The following RUNX1 variants were observed in gnomAD, a reference collection of about 807,000 sequenced individuals.
RUNX1 encodes the protein runt-related transcription factor 1.
A neutral mutation model predicts 42.8 loss-of-function variants in RUNX1; 19 were observed. The ratio of observed to expected loss-of-function variants is 0.44; its 90% CI spans 0.31 to 0.65. The LOEUF (loss-of-function observed/expected upper bound fraction) is 0.65. RUNX1 is among the 30% of genes least tolerant of loss of function. The pLI is 0.07. For synonymous variants in RUNX1, 271 were observed against 289.4 expected, an observed-to-expected ratio of 0.94 and a Z score of 0.64; for missense variants, 528 against 672.0, an observed-to-expected ratio of 0.79 and a Z score of 2.37.
intron 6 of RUNX1, among the ~76,000 whole-genome samples, chr21:34,851,701 G>A (rs1049835504): frequency 6.6e-6 from 1 of 152,174 alleles, no homozygotes. Context: ...ATGGTTTTGC[G>A]AGGGTCCAGA....
intron 7 of RUNX1, among the ~76,000 whole-genome samples, chr21:34,827,057 A>T (rs1261135877): frequency 5.3e-5 from 8 of 152,238 alleles, no homozygotes; most frequent in Admixed American, 5.2e-4. Context: ...AGTGTATGTG[A>T]CCAGAGTGCT....
Position 34,994,638 on chromosome 21 carries a change from C to T in RUNX1, c.58+54204G>A, listed in dbSNP as rs2058979172. 3.3e-5 allele frequency among the ~76,000 whole-genome samples: 5 copies of T among 151,724 alleles called. No homozygotes were observed. The South Asian group carries it at 1.0e-3, about 32-fold the overall frequency. ...TACTATGCACCTAAATGCCTAGGTACCTACATTTACGGGTACTACGTACCC... is the reference window on the plus strand; with the variant it reads ...TACTATGCACCTAAATGCCTAGGTATCTACATTTACGGGTACTACGTACCC... On this transcript the variant is annotated intron_variant, in intron 2 of 8. Transcript: ENST00000675419.
chr21:34,825,954 TC>T, intron 7 of RUNX1, among the ~76,000 whole-genome samples: 1 of 152,136 alleles, frequency 6.6e-6, no homozygotes, highest in Middle Eastern at 3.2e-3. Context: ...TAAGGAAGTA[TC>T]CTCCCCTAGA....
At chr21:34,812,362 A>G (rs1601374063) in intron 7 of RUNX1, among the ~76,000 whole-genome samples, 1 of 152,248 alleles carries the variant, frequency 6.6e-6, no homozygotes. Flanking sequence ...CAGTGGGTTA[A>G]TAACACAGGT....
rs535311358 is a variant in RUNX1 at position 34,987,338 on chromosome 21, C to T, written c.58+61504G>A. On this transcript the variant is annotated intron_variant, in intron 2 of 8. Transcript: ENST00000675419. ...AGGAAAGCCAGACATTTGAGGGGAGCGGGCTGCTGACACGAGGCAGGGAGC... is the reference window on the plus strand; with the variant it reads ...AGGAAAGCCAGACATTTGAGGGGAGTGGGCTGCTGACACGAGGCAGGGAGC... Among the ~76,000 whole-genome samples the T allele has an allele frequency of 2.1e-3, 316 of 152,288 alleles. 2 individuals carry two copies. The Middle Eastern group carries it at 0.044, about 21-fold the overall frequency.
intron 2 of RUNX1, among the ~76,000 whole-genome samples, chr21:34,930,235 CATA>C (rs1191404155): frequency 8.4e-6 from 1 of 118,602 alleles, no homozygotes; most frequent in African/African-American, 4.7e-5. Context: ...ATTATATATA[CATA>C]TTATATATGT....
intron 7 of RUNX1, among the ~76,000 whole-genome samples, chr21:34,825,814 A>G (rs545812792): frequency 6.6e-6 from 1 of 152,344 alleles, no homozygotes; most frequent in Non-Finnish European, 1.5e-5. Flanking sequence ...GTGGGTCTAA[A>G]TATAGTAACA....
chr21:34,888,357 C>CT, intron 3 of RUNX1: 1 of 1,067,728 alleles, frequency 9.4e-7, no homozygotes. Flanking sequence ...GCCACGCACA[C>CT]GCAACTTCAC....
chr21:34,930,276 A>G (rs141046426), intron 2 of RUNX1, among the ~76,000 whole-genome samples: 1,292 of 125,546 alleles, frequency 0.01, 15 homozygotes, highest in Non-Finnish European at 0.015. Flanking sequence ...GTATGTATAT[A>G]TATATATATA....
At chr21:34,832,916 A>G (rs2057083937) in intron 7 of RUNX1, 1 of 152,162 alleles carries the variant, frequency 6.6e-6, no homozygotes, top group Non-Finnish European at 1.5e-5. Flanking sequence ...TTTGTTTACA[A>G]AAGGGTTACT....
chr21:34,965,294 T>TTC lies in RUNX1; in HGVS notation c.59-72332_59-72331insGA, dbSNP rs2058711009. ...TCTGAGTGCCCTATAATCCACACTTTATTTCCAAATTTTCAGAAAGCAGTA... is the reference window on the plus strand; with the variant it reads ...TCTGAGTGCCCTATAATCCACACTTTTCATTTCCAAATTTTCAGAAAGCAGTA... On this transcript the variant is annotated intron_variant, in intron 2 of 8. Coordinates refer to ENST00000675419, the MANE Select transcript of RUNX1 (RefSeq NM_001754.5). Among the ~76,000 whole-genome samples the TTC allele has an allele frequency of 3.3e-5, 5 of 151,928 alleles. No individual in the cohort carries two copies. The South Asian group carries it at 1.0e-3, about 32-fold the overall frequency.
chr21:34,889,706 C>A (rs1201403746), intron 3 of RUNX1: 1 of 1,187,066 alleles, frequency 8.4e-7, no homozygotes, highest in Non-Finnish European at 1.1e-6. Context: ...GGCCGCTTCC[C>A]CCTGCGCCGG....
chr21:34,890,904 C>T (rs1212057834), intron 3 of RUNX1, among the ~76,000 whole-genome samples: 1 of 152,152 alleles, frequency 6.6e-6, no homozygotes, highest in Non-Finnish European at 1.5e-5. Context: ...ATGCATTTCC[C>T]CGAGATCCCA....
At chr21:34,917,453 T>C (rs1385221008) in intron 2 of RUNX1, among the ~76,000 whole-genome samples, 1 of 152,232 alleles carries the variant, frequency 6.6e-6, no homozygotes. Context: ...GAATTCTGCA[T>C]TAGCATTCTA....
At chr21:34,981,150 A>G (rs1201102845) in intron 2 of RUNX1, among the ~76,000 whole-genome samples, 1 of 152,240 alleles carries the variant, frequency 6.6e-6, no homozygotes, top group Non-Finnish European at 1.5e-5. Flanking sequence ...GGGTCTAAAC[A>G]TGAGGAAGCG....
chr21:34,912,808 T>C (rs1219398408), intron 2 of RUNX1, among the ~76,000 whole-genome samples: 1 of 152,238 alleles, frequency 6.6e-6, no homozygotes, highest in African/African-American at 2.4e-5. Flanking sequence ...AGATGAGTAG[T>C]GATTGGATCT....
rs1164030524 is a variant in RUNX1 at position 34,834,489 on chromosome 21, G to C, written c.726C>G (p.His242Gln). Residue 242 changes from histidine (H) to glutamine (Q), a missense_variant, in exon 7 of 9, where the codon CAC (histidine) becomes CAG (glutamine). Coordinates refer to ENST00000675419, the MANE Select transcript of RUNX1 (RefSeq NM_001754.5). The stretch of plus-strand genomic sequence containing the variant: ...CACGAGGGTTGGGCGTGGGGGCTGG[G>C]TGGTGTGGGCTGACCCTCATGGCTG... ...RRTAMRVSPH[H>Q]PAPTPNPRAS... is the part of the protein sequence containing the mutation. 1.2e-6 allele frequency: 2 copies of C among 1,613,354 alleles called. No individual in the cohort carries two copies. Among genetic ancestry groups the C allele is most frequent in the Non-Finnish European group, 8.5e-7 (1 of 1,179,748 alleles).
rs547429988 is a variant in RUNX1 at position 34,975,248 on chromosome 21, T to C, written c.58+73594A>G. The stretch of plus-strand genomic sequence containing the variant: ...CGAAGTTCTGCCCTCCGGGATATTA[T>C]GAAGATACATATTTGGCTTCATAAA... On this transcript the variant is annotated intron_variant, in intron 2 of 8. Coordinates refer to ENST00000675419, the MANE Select transcript of RUNX1 (RefSeq NM_001754.5). 9.3e-4 allele frequency among the ~76,000 whole-genome samples: 142 copies of C among 152,360 alleles called. 1 individual carries two copies. The highest frequency in any genetic ancestry group is 3.1e-3 in the African/African-American group (129 of 41,590).
At chr21:34,823,272 C>T (rs995389904) in intron 7 of RUNX1, among the ~76,000 whole-genome samples, 3 of 152,178 alleles carry the variant, frequency 2.0e-5, no homozygotes, top group African/African-American at 7.2e-5. Flanking sequence ...GTCCTCCATA[C>T]TTCCAGGAGG....
Sources: gnomAD v4.1 joint callset for allele counts (sites outside exome capture counted in the v4.1 genomes callset) on GRCh38, gnomAD v4.1.1 for gene constraint, MANE v1.5 for transcripts, NCBI Gene and HGNC (gene_info 2026-07-23, HGNC 2026-07-21) for gene names.